The following PCDH9 variants were observed in gnomAD, a reference collection of about 807,000 sequenced individuals.
The protein encoded by PCDH9 is protocadherin-9.
A neutral mutation model predicts 70.6 loss-of-function variants in PCDH9; 24 were observed. That is an observed-to-expected ratio of 0.34 (90% CI 0.25 to 0.48). PCDH9 has a LOEUF of 0.48. Among genes scored for constraint, PCDH9 ranks in the 20% least tolerant of loss-of-function variants. PCDH9 has a pLI of 0.99. For missense variants in PCDH9, 1,281 were observed against 1,503.6 expected (o/e 0.85, Z 2.45); for synonymous variants, 562 against 558.5 (o/e 1.01, Z -0.09).
At position 66,883,357 on chromosome 13, in the gene PCDH9, C is replaced by A. The variant is rs1224165805; in HGVS notation, c.3138+20147G>T. 3.3e-5 allele frequency among the ~76,000 whole-genome samples: 5 copies of A among 151,766 alleles called. No individual in the cohort carries two copies. In the East Asian group the frequency reaches 9.6e-4, roughly 29 times the overall value. ...ACAGGTGTGTTGCCAGATATATAAT[C>A]AGCACTAATGTGTGTGTGTGTGTGC... On this transcript the variant is annotated intron_variant, in intron 3 of 4. Coordinates refer to ENST00000377865, the MANE Select transcript of PCDH9 (RefSeq NM_203487.3).
intron 2 of PCDH9, among the ~76,000 whole-genome samples, chr13:67,041,433 T>A (rs940718967): frequency 6.6e-6 from 1 of 152,142 alleles, no homozygotes; most frequent in African/African-American, 2.4e-5. Context: ...TGGAAAGAAG[T>A]ACATAACAGA....
intron 2 of PCDH9, among the ~76,000 whole-genome samples, chr13:67,140,037 CCG>C (rs1491462974): frequency 1.6e-5 from 2 of 127,566 alleles, no homozygotes; most frequent in African/African-American, 5.7e-5. Context: ...CCCCCCCCCC[CCG>C]CCCATTGTGT....
intron 2 of PCDH9, among the ~76,000 whole-genome samples, chr13:66,921,692 A>C (rs2139644215): frequency 6.6e-6 from 1 of 151,474 alleles, no homozygotes; most frequent in Admixed American, 6.6e-5. Context: ...TATGTCTCAG[A>C]ATATCAGACC....
At chr13:66,590,791 AC>A (rs1486772611) in intron 4 of PCDH9, among the ~76,000 whole-genome samples, 11 of 151,846 alleles carry the variant, frequency 7.2e-5, no homozygotes, top group African/African-American at 2.7e-4. Context: ...AACTCCCTAG[AC>A]TTAAAAAATT....
intron 2 of PCDH9, among the ~76,000 whole-genome samples, chr13:67,110,053 C>G (rs2086624307): frequency 6.6e-6 from 1 of 152,008 alleles, no homozygotes; most frequent in Non-Finnish European, 1.5e-5. Flanking sequence ...GTCGCGGAGG[C>G]TTTGCACATG....
intron 2 of PCDH9, among the ~76,000 whole-genome samples, chr13:66,974,063 C>CG (rs1287392666): frequency 6.6e-6 from 1 of 151,970 alleles, no homozygotes; most frequent in African/African-American, 2.4e-5. Flanking sequence ...TGTTAGAACT[C>CG]ACCTACGCTT....
At chr13:66,450,250 TATTTA>T (rs1259563000) in intron 4 of PCDH9, among the ~76,000 whole-genome samples, 3 of 152,202 alleles carry the variant, frequency 2.0e-5, no homozygotes, top group Non-Finnish European at 4.4e-5. Flanking sequence ...CACCAAAACA[TATTTA>T]ATTTAATAGC....
At chr13:67,066,912 C>T (rs1409491988) in intron 2 of PCDH9, among the ~76,000 whole-genome samples, 2 of 152,048 alleles carry the variant, frequency 1.3e-5, no homozygotes, top group African/African-American at 4.8e-5. Flanking sequence ...ATAATTTTCC[C>T]TTAATATTAT....
chr13:67,095,516 G>T (rs765636708), intron 2 of PCDH9, among the ~76,000 whole-genome samples: 1 of 152,120 alleles, frequency 6.6e-6, no homozygotes, highest in African/African-American at 2.4e-5. Context: ...ATATGGAAGA[G>T]AGGACACATG....
intron 4 of PCDH9, among the ~76,000 whole-genome samples, chr13:66,395,911 C>G (rs1417267474): frequency 6.6e-6 from 1 of 152,034 alleles, no homozygotes; most frequent in Non-Finnish European, 1.5e-5. Flanking sequence ...AAGTTCCTAC[C>G]AAGTGAAAAG....
At chr13:66,337,914 AAC>A (rs1956063467) in intron 4 of PCDH9, among the ~76,000 whole-genome samples, 2 of 152,116 alleles carry the variant, frequency 1.3e-5, no homozygotes, top group South Asian at 4.1e-4. Flanking sequence ...AGAATATGGC[AAC>A]AGTGTTGAAT....
At chr13:67,089,378 T>C (rs190062637) in intron 2 of PCDH9, among the ~76,000 whole-genome samples, 221 of 152,132 alleles carry the variant, frequency 1.5e-3, no homozygotes, top group African/African-American at 5.1e-3. Context: ...TGAGATAGCA[T>C]AGCAGTGATT....
chr13:67,185,849 C>T (rs574915835), intron 2 of PCDH9, among the ~76,000 whole-genome samples: 11 of 152,292 alleles, frequency 7.2e-5, no homozygotes, highest in Admixed American at 2.0e-4. Context: ...TCTCCTGCTT[C>T]GGCCTCCCAA....
At chr13:66,448,658 C>G (rs1044184993) in intron 4 of PCDH9, among the ~76,000 whole-genome samples, 3 of 151,936 alleles carry the variant, frequency 2.0e-5, no homozygotes, top group Non-Finnish European at 4.4e-5. Context: ...TGTGGGCTAA[C>G]AAAGGCAAAT....
intron 2 of PCDH9, among the ~76,000 whole-genome samples, chr13:67,170,908 G>A (rs1289696087): frequency 2.0e-5 from 3 of 152,120 alleles, no homozygotes; most frequent in African/African-American, 4.8e-5. Context: ...CTCAGTGACA[G>A]AGAAAGACTC....
chr13:67,120,570 G>A (rs1464032266), intron 2 of PCDH9, among the ~76,000 whole-genome samples: 1 of 151,990 alleles, frequency 6.6e-6, no homozygotes, highest in East Asian at 1.9e-4. Flanking sequence ...AGTACCCCTA[G>A]CTGTTCCCCT....
At chr13:66,933,892 CAAA>C (rs10570715) in intron 2 of PCDH9, among the ~76,000 whole-genome samples, 40 of 101,270 alleles carry the variant, frequency 3.9e-4, no homozygotes, top group East Asian at 1.5e-3. Context: ...ATAAGCTAGG[CAAA>C]AAAAAAAAAA....
intron 2 of PCDH9, among the ~76,000 whole-genome samples, chr13:67,091,667 A>G (rs1191255374): frequency 2.0e-5 from 3 of 152,216 alleles, no homozygotes; most frequent in Non-Finnish European, 4.4e-5. Flanking sequence ...TTTCATTTGC[A>G]TAATGAAAAT....
rs2138137645 is a variant in PCDH9 at position 67,064,917 on chromosome 13, T to TAGAC, written c.3036+160487_3036+160488insGTCT. Among the ~76,000 whole-genome samples, 2 of 152,002 alleles carry TAGAC rather than the reference T, an allele frequency of 1.3e-5. 1 individual carries two copies. The highest frequency in any genetic ancestry group is 4.2e-4 in the South Asian group (2 of 4,816). On this transcript the variant is annotated intron_variant, in intron 2 of 4. Coordinates refer to ENST00000377865, the MANE Select transcript of PCDH9 (RefSeq NM_203487.3). ...ATAGATAGATAGATAGATAGATAGA[T>TAGAC]AGATAGATAGATAGATAGATAGCAG...
Sources: gnomAD v4.1 joint callset for allele counts (sites outside exome capture counted in the v4.1 genomes callset) on GRCh38, gnomAD v4.1.1 for gene constraint, MANE v1.5 for transcripts, NCBI Gene and HGNC (gene_info 2026-07-23, HGNC 2026-07-21) for gene names.